The following C1QTNF3 variants were observed in gnomAD, a reference collection of about 807,000 sequenced individuals.
C1QTNF3 encodes the protein C1q and TNF related 3, also known as complement C1q tumor necrosis factor-related protein 3.
C1QTNF3 carries 26 observed loss-of-function variants against 32.6 expected under a neutral mutation model. The ratio of observed to expected loss-of-function variants is 0.80; its 90% CI spans 0.58 to 1.11. The LOEUF (loss-of-function observed/expected upper bound fraction) is 1.11. C1QTNF3 is among the 50% of genes least tolerant of loss of function. The pLI is 0.00. For missense variants in C1QTNF3, 362 were observed against 398.2 expected (o/e 0.91, Z 0.77); for synonymous variants, 155 against 146.0 (o/e 1.06, Z -0.44).
Position 34,035,693 on chromosome 5 carries a change from T to G in C1QTNF3, c.369A>C (p.Arg123=). 1 of 1,611,966 alleles carries G rather than the reference T, an allele frequency of 6.2e-7. No homozygotes were observed. The highest frequency in any genetic ancestry group is 8.5e-7 in the Non-Finnish European group (1 of 1,179,420). ...SKCCHGDYSF[R]GYQGPPGPPG... is the part of the protein sequence containing the mutation. ...GTGGCCCAGGGGGGCCTTGGTAGCCTCGAAAGCTGTAGTCTCCATGACAAC... is the reference window on the plus strand; with the variant it reads ...GTGGCCCAGGGGGGCCTTGGTAGCCGCGAAAGCTGTAGTCTCCATGACAAC... Residue 123 remains arginine (R), a synonymous_variant, in exon 2 of 6, where the codon CGA becomes CGC. Coordinates refer to ENST00000382065, the MANE Select transcript of C1QTNF3 (RefSeq NM_181435.6).
the C1QTNF3 span, among the ~76,000 whole-genome samples, chr5:34,059,394 T>C: frequency 2.6e-5 from 4 of 152,146 alleles, no homozygotes; most frequent in African/African-American, 9.7e-5. Context: ...CAGGCTGCTA[T>C]AACAAACTGC....
intron 2 of C1QTNF3, among the ~76,000 whole-genome samples, chr5:34,035,311 G>A (rs541387319): frequency 2.0e-5 from 3 of 152,220 alleles, no homozygotes; most frequent in Non-Finnish European, 2.9e-5. Context: ...GGAGGAAGAA[G>A]CACTTAGCTG....
At chr5:34,087,672 C>T in the C1QTNF3 span, among the ~76,000 whole-genome samples, 2 of 139,800 alleles carry the variant, frequency 1.4e-5, no homozygotes, top group African/African-American at 5.4e-5. Flanking sequence ...TCTCCAGGCT[C>T]AAATGATCTT....
chr5:34,058,895 A>AAAATAG, the C1QTNF3 span, among the ~76,000 whole-genome samples: 1 of 152,200 alleles, frequency 6.6e-6, no homozygotes, highest in Non-Finnish European at 1.5e-5. Flanking sequence ...TTTGAGGTTG[A>AAAATAG]AAATAGAAGT....
At chr5:34,026,545 C>T (rs1489159861) in intron 4 of C1QTNF3, among the ~76,000 whole-genome samples, 1 of 151,312 alleles carries the variant, frequency 6.6e-6, no homozygotes, top group African/African-American at 2.4e-5. Flanking sequence ...AGGCTGGCTT[C>T]AGAAGCTTTC....
chr5:34,183,652 A>C, the C1QTNF3 span, among the ~76,000 whole-genome samples: 1 of 150,912 alleles, frequency 6.6e-6, no homozygotes, highest in African/African-American at 2.5e-5. Flanking sequence ...TGAATTTTCC[A>C]GTAAACCACA....
the C1QTNF3 span, among the ~76,000 whole-genome samples, chr5:34,241,884 CCT>C: frequency 2.8e-5 from 4 of 145,394 alleles, no homozygotes; most frequent in African/African-American, 7.5e-5. Context: ...AGGGTGAGGC[CCT>C]GTCTCAAAAA....
At chr5:34,033,832 A>C (rs299593) in intron 2 of C1QTNF3, among the ~76,000 whole-genome samples, 64,604 of 152,084 alleles carry the variant, frequency 0.42, 15,143 homozygotes, top group South Asian at 0.68. Context: ...AAAAACATTT[A>C]ATGATATAGT....
chr5:34,035,876 A>G, intron 1 of C1QTNF3, 118 bp from the exon 2 acceptor site: 1 of 714,658 alleles, frequency 1.4e-6, no homozygotes, highest in South Asian at 1.8e-5. Context: ...TCACAGCAAG[A>G]TCACAAAAGA....
the C1QTNF3 span, among the ~76,000 whole-genome samples, chr5:34,185,419 C>CA: frequency 6.6e-6 from 1 of 152,308 alleles, no homozygotes; most frequent in South Asian, 2.1e-4. Context: ...ATTGTTCATT[C>CA]ATTAACATTG....
chr5:34,084,809 G>GT, the C1QTNF3 span, among the ~76,000 whole-genome samples: 25 of 25,390 alleles, frequency 9.8e-4, no homozygotes, highest in Admixed American at 3.2e-3. Context: ...TGTTTTTTTT[G>GT]TTTTTTTTCT....
chr5:34,184,333 A>C, the C1QTNF3 span, among the ~76,000 whole-genome samples: 1 of 152,292 alleles, frequency 6.6e-6, no homozygotes, highest in Non-Finnish European at 1.5e-5. Context: ...AAGCATATGA[A>C]AAAAAGCCCA....
At chr5:34,125,336 G>A in the C1QTNF3 span, among the ~76,000 whole-genome samples, 2 of 151,616 alleles carry the variant, frequency 1.3e-5, no homozygotes, top group Admixed American at 6.6e-5. Flanking sequence ...TGAGGTACCT[G>A]CCAAAAGCAG....
the C1QTNF3 span, among the ~76,000 whole-genome samples, chr5:34,240,301 T>C: frequency 1.3e-5 from 2 of 149,372 alleles, no homozygotes; most frequent in Non-Finnish European, 3.0e-5. Flanking sequence ...CTGAATGAAA[T>C]TGAGATGCAA....
intron 4 of C1QTNF3, among the ~76,000 whole-genome samples, chr5:34,028,018 G>A (rs1452736707): frequency 3.9e-5 from 6 of 152,214 alleles, no homozygotes; most frequent in Non-Finnish European, 8.8e-5. Context: ...TGTCGCCCAG[G>A]CTGGAGTGCA....
the C1QTNF3 span, chr5:34,124,482 T>G: frequency 9.8e-6 from 7 of 715,610 alleles, no homozygotes; most frequent in Non-Finnish European, 1.8e-5. Context: ...ACCAGGCCCG[T>G]CACGATGAGA....
the C1QTNF3 span, among the ~76,000 whole-genome samples, chr5:34,224,892 C>T: frequency 3.3e-5 from 5 of 152,102 alleles, no homozygotes; most frequent in African/African-American, 9.7e-5. Context: ...AAAATTTTCG[C>T]AATCTACTCA....
the C1QTNF3 span, among the ~76,000 whole-genome samples, chr5:34,136,474 G>A: frequency 6.6e-6 from 1 of 152,210 alleles, no homozygotes; most frequent in African/African-American, 2.4e-5. Context: ...CAGTTAGAAT[G>A]GCAATCATTA....
chr5:34,045,459 T>C (rs114170630), upstream of C1QTNF3, among the ~76,000 whole-genome samples: 1,714 of 152,288 alleles, frequency 0.011, 30 homozygotes, highest in South Asian at 0.099. Flanking sequence ...CATCCTCTCA[T>C]TGACTCAAAA....
Sources: allele counts gnomAD v4.1 joint callset (sites outside exome capture counted in the v4.1 genomes callset), GRCh38; gene constraint gnomAD v4.1.1; transcripts MANE v1.5; gene names NCBI Gene and HGNC (gene_info 2026-07-23, HGNC 2026-07-21).